TMC1: variants seen among roughly 807,000 people sequenced by gnomAD.
The protein encoded by TMC1 is transmembrane channel-like protein 1.
Under a neutral mutation model 105.8 loss-of-function variants are expected in TMC1, and 84 were observed. That is an observed-to-expected ratio of 0.79 (90% CI 0.67 to 0.95). TMC1 has a LOEUF of 0.95. TMC1 is among the 40% of genes least tolerant of loss of function. The pLI is 0.00. For missense variants in TMC1, 817 were observed against 914.1 expected (o/e 0.89, Z 1.37); for synonymous variants, 315 against 311.5 (o/e 1.01, Z -0.12).
At chr9:72,557,497 G>A (rs982391037) in intron 1 of TMC1, among the ~76,000 whole-genome samples, 1 of 152,080 alleles carries the variant, frequency 6.6e-6, no homozygotes, top group African/African-American at 2.4e-5. Context: ...TTAATATTGA[G>A]CACTTATTTT....
intron 20 of TMC1, 128 bp downstream of exon 20, chr9:72,821,209 C>T: frequency 7.0e-7 from 1 of 1,424,000 alleles, no homozygotes. Flanking sequence ...GAAATGAGAT[C>T]CCGGCTGGGC....
At chr9:72,685,549 A>C (rs1826366934) in intron 5 of TMC1, among the ~76,000 whole-genome samples, 2 of 151,966 alleles carry the variant, frequency 1.3e-5, no homozygotes, top group South Asian at 4.2e-4. Context: ...TTTGTAGTAG[A>C]GGCGGGGTTT....
intron 2 of TMC1, among the ~76,000 whole-genome samples, chr9:72,589,365 G>A (rs1003435724): frequency 4.6e-5 from 7 of 152,152 alleles, no homozygotes; most frequent in Admixed American, 1.3e-4. Flanking sequence ...GGTTTGTTCC[G>A]ATTTAATTGT....
At chr9:72,656,946 T>G (rs2132157584) in intron 5 of TMC1, among the ~76,000 whole-genome samples, 1 of 152,344 alleles carries the variant, frequency 6.6e-6, no homozygotes, top group Middle Eastern at 3.4e-3. Context: ...GTCTTTCTCC[T>G]CTGACTGGTT....
At chr9:72,677,501 A>G (rs114900321) in intron 5 of TMC1, among the ~76,000 whole-genome samples, 5,645 of 152,220 alleles carry the variant, frequency 0.037, 198 homozygotes, top group Middle Eastern at 0.11. Context: ...GCCCAGCCAA[A>G]TAGACACATA....
intron 11 of TMC1, among the ~76,000 whole-genome samples, chr9:72,753,508 A>G (rs1164822374): frequency 1.3e-5 from 2 of 152,134 alleles, no homozygotes; most frequent in Non-Finnish European, 2.9e-5. Flanking sequence ...AATGTCTGCT[A>G]TGTAGTGGAT....
intron 1 of TMC1, among the ~76,000 whole-genome samples, chr9:72,545,767 C>T (rs62560375): frequency 0.061 from 9,206 of 152,032 alleles, 428 homozygotes; most frequent in Middle Eastern, 0.095. Flanking sequence ...GGATTACAGG[C>T]GTGAGCCACC....
chr9:72,700,485 C>A (rs1239164011), intron 7 of TMC1, 33 bp from the exon 8 acceptor site: 1 of 1,534,590 alleles, frequency 6.5e-7, no homozygotes, highest in Non-Finnish European at 8.8e-7. Context: ...CAAAGCTTAA[C>A]TTTATTAAGG....
intron 5 of TMC1, among the ~76,000 whole-genome samples, chr9:72,675,873 G>T (rs1431890077): frequency 6.6e-6 from 1 of 152,098 alleles, no homozygotes; most frequent in Admixed American, 6.6e-5. Context: ...TCTGAAGCTG[G>T]CTGAGAGAAG....
At chr9:72,725,248 A>G (rs1380070128) in intron 8 of TMC1, among the ~76,000 whole-genome samples, 1 of 149,266 alleles carries the variant, frequency 6.7e-6, no homozygotes, top group Non-Finnish European at 1.5e-5. Context: ...TTTGAAATAC[A>G]TTGTATTCAA....
intron 1 of TMC1, among the ~76,000 whole-genome samples, chr9:72,522,410 T>C (rs574086298): frequency 6.6e-6 from 1 of 152,222 alleles, no homozygotes; most frequent in Non-Finnish European, 1.5e-5. Context: ...CTAATTGATA[T>C]GTTTAAATGT....
At chr9:72,827,069 A>G in intron 21 of TMC1, 75 bp downstream of exon 21, 1 of 1,592,086 alleles carries the variant, frequency 6.3e-7, no homozygotes, top group South Asian at 1.1e-5. Flanking sequence ...CAGCTTTTTC[A>G]GCTCTCTCAC....
chr9:72,793,611 C>T (rs1188957699), intron 17 of TMC1, among the ~76,000 whole-genome samples: 1 of 152,186 alleles, frequency 6.6e-6, no homozygotes, highest in African/African-American at 2.4e-5. Flanking sequence ...GCGTTTGGGC[C>T]AGCAACGGGT....
intron 5 of TMC1, among the ~76,000 whole-genome samples, chr9:72,667,499 A>G (rs746048606): frequency 6.6e-6 from 1 of 152,210 alleles, no homozygotes; most frequent in Non-Finnish European, 1.5e-5. Context: ...TTGTTGGTAT[A>G]TATACCTTTT....
At chr9:72,685,097 A>ATTTTTTT (rs1771194393) in intron 5 of TMC1, among the ~76,000 whole-genome samples, 5 of 125,748 alleles carry the variant, frequency 4.0e-5, no homozygotes, top group African/African-American at 1.7e-4. Context: ...TTATAAAGTC[A>ATTTTTTT]TTCTTTTTTT....
intron 12 of TMC1, among the ~76,000 whole-genome samples, chr9:72,761,021 C>T (rs1409118387): frequency 2.0e-5 from 3 of 152,138 alleles, no homozygotes; most frequent in Non-Finnish European, 4.4e-5. Context: ...CAGAATTTAC[C>T]ATTTATGAAA....
intron 21 of TMC1, among the ~76,000 whole-genome samples, chr9:72,828,286 C>A (rs972643887): frequency 2.0e-5 from 3 of 152,172 alleles, no homozygotes; most frequent in Non-Finnish European, 4.4e-5. Context: ...CAGCATGTTT[C>A]ACCAGATGGC....
At chr9:72,623,098 AAAAC>A (rs1393527352) in intron 3 of TMC1, among the ~76,000 whole-genome samples, 1 of 151,248 alleles carries the variant, frequency 6.6e-6, no homozygotes, top group Non-Finnish European at 1.5e-5. Context: ...AACAAAAGAA[AAAAC>A]AAAAATGAAA....
chr9:72,716,735 G>A (rs1233055327), intron 8 of TMC1, among the ~76,000 whole-genome samples: 1 of 152,136 alleles, frequency 6.6e-6, no homozygotes, highest in African/African-American at 2.4e-5. Flanking sequence ...AGACCACTTG[G>A]CTCCCTGGCT....
Sources: allele counts gnomAD v4.1 joint callset (sites outside exome capture counted in the v4.1 genomes callset), GRCh38; gene constraint gnomAD v4.1.1; transcripts MANE v1.5; gene names NCBI Gene and HGNC (gene_info 2026-07-23, HGNC 2026-07-21).